The following GPC5 variants were observed in gnomAD, a reference collection of about 807,000 sequenced individuals.
GPC5 encodes the protein glypican 5, also known as glypican-5.
GPC5 carries 47 observed loss-of-function variants against 53.9 expected under a neutral mutation model. That is an observed-to-expected ratio of 0.87 (90% confidence interval 0.69 to 1.11). The LOEUF (loss-of-function observed/expected upper bound fraction) is 1.11. Ranked by LOEUF, GPC5 falls within the 50% of genes most tolerant of loss-of-function variation. GPC5 has a pLI of 0.00. For missense variants in GPC5, 748 were observed against 713.1 expected (o/e 1.05, Z -0.56); for synonymous variants, 286 against 263.3 (o/e 1.09, Z -0.84).
At chr13:91,927,783 A>G (rs1165507632) in intron 6 of GPC5, among the ~76,000 whole-genome samples, 1 of 152,184 alleles carries the variant, frequency 6.6e-6, no homozygotes, top group Non-Finnish European at 1.5e-5. Flanking sequence ...CATGGTATAG[A>G]TAGGCATTGC....
intron 5 of GPC5, among the ~76,000 whole-genome samples, chr13:91,897,902 A>G (rs1021619025): frequency 3.3e-5 from 5 of 152,222 alleles, no homozygotes; most frequent in African/African-American, 9.6e-5. Context: ...ATTTACCTCA[A>G]CACTTTAACT....
chr13:91,792,715 G>A (rs938448694), intron 5 of GPC5, among the ~76,000 whole-genome samples: 1 of 152,142 alleles, frequency 6.6e-6, no homozygotes, highest in African/African-American at 2.4e-5. Flanking sequence ...ACAGTTCATA[G>A]TAAAACCAGT....
At chr13:91,674,280 T>C (rs1023695675) in intron 2 of GPC5, among the ~76,000 whole-genome samples, 7 of 151,962 alleles carry the variant, frequency 4.6e-5, no homozygotes, top group African/African-American at 1.7e-4. Flanking sequence ...TAGACTATGG[T>C]AGATTGCCTT....
chr13:92,859,501 G>T (rs1416772481), intron 7 of GPC5, among the ~76,000 whole-genome samples: 4 of 151,638 alleles, frequency 2.6e-5, no homozygotes, highest in African/African-American at 9.7e-5. Context: ...ACCTAAATAA[G>T]ATATAAAATT....
At chr13:91,769,597 A>G (rs1232530836) in intron 5 of GPC5, among the ~76,000 whole-genome samples, 1 of 152,184 alleles carries the variant, frequency 6.6e-6, no homozygotes, top group Admixed American at 6.5e-5. Flanking sequence ...TGTCTAAGGA[A>G]CAGAAGGGAA....
At position 92,867,019 on chromosome 13, in the gene GPC5, C is replaced by G. The variant is rs1879357310; in HGVS notation, c.*580C>G. Reference sequence around the variant, plus strand: ...ATTTCATATAATTTCACTGAAGAACCTTGATAATTTTGACCCACTGTAACT... The same window carrying G: ...ATTTCATATAATTTCACTGAAGAACGTTGATAATTTTGACCCACTGTAACT... On this transcript the variant is annotated 3_prime_UTR_variant, in exon 8 of 8. Coordinates refer to ENST00000377067, the MANE Select transcript of GPC5 (RefSeq NM_004466.6). 6.6e-6 allele frequency: 1 copy of G among 152,056 alleles called. No individual in the cohort carries two copies. Among genetic ancestry groups the G allele is most frequent in the African/African-American group, 2.4e-5 (1 of 41,426 alleles). The allele number at this position is 152,056 out of a possible 1,614,324, so 9.4% of individuals were successfully genotyped here. A position where few individuals can be genotyped will look rare whatever the true frequency, so the allele number is the denominator to read the frequency against.
chr13:92,512,210 ATTT>A (rs552592417), intron 7 of GPC5, among the ~76,000 whole-genome samples: 2 of 149,008 alleles, frequency 1.3e-5, no homozygotes. Context: ...GATCCTAGTA[ATTT>A]TTTTTTATTT....
At chr13:92,293,103 T>C (rs2043009004) in intron 7 of GPC5, among the ~76,000 whole-genome samples, 1 of 152,190 alleles carries the variant, frequency 6.6e-6, no homozygotes, top group East Asian at 1.9e-4. Context: ...GTAATGGTGA[T>C]GCCTCCAGAT....
chr13:92,732,519 A>AT (rs1319284489), intron 7 of GPC5, among the ~76,000 whole-genome samples: 2 of 149,656 alleles, frequency 1.3e-5, no homozygotes, highest in African/African-American at 2.4e-5. Context: ...TGATTTAGTG[A>AT]TTTTCTTCTT....
intron 7 of GPC5, among the ~76,000 whole-genome samples, chr13:92,397,796 G>T (rs1445884333): frequency 6.6e-6 from 1 of 152,098 alleles, no homozygotes; most frequent in South Asian, 2.1e-4. Context: ...TTGTAATGAA[G>T]CCCTAAGAAT....
At chr13:92,139,396 A>G (rs2041811034) in intron 6 of GPC5, among the ~76,000 whole-genome samples, 1 of 152,134 alleles carries the variant, frequency 6.6e-6, no homozygotes. Context: ...GGCTGGGCGC[A>G]GTGGCTCACG....
chr13:92,609,783 G>A (rs1566318082), intron 7 of GPC5, among the ~76,000 whole-genome samples: 4 of 152,094 alleles, frequency 2.6e-5, no homozygotes, highest in Non-Finnish European at 5.9e-5. Flanking sequence ...TGTAATCCCA[G>A]CACTTTTGGG....
At chr13:92,685,350 C>T (rs1887231058) in intron 7 of GPC5, among the ~76,000 whole-genome samples, 1 of 151,948 alleles carries the variant, frequency 6.6e-6, no homozygotes, top group African/African-American at 2.4e-5. Flanking sequence ...CCTCCTCAGC[C>T]TCCCAAAGTA....
chr13:92,353,944 T>A (rs1346680834), intron 7 of GPC5, among the ~76,000 whole-genome samples: 1 of 152,236 alleles, frequency 6.6e-6, no homozygotes, highest in Admixed American at 6.5e-5. Flanking sequence ...TTAGCTGTTT[T>A]GAATTGAAAT....
chr13:91,662,951 G>A (rs2035020218), intron 2 of GPC5, among the ~76,000 whole-genome samples: 1 of 152,198 alleles, frequency 6.6e-6, no homozygotes, highest in East Asian at 1.9e-4. Flanking sequence ...GGATAAATCA[G>A]AGCTGTGAGA....
At chr13:92,191,351 G>T (rs1000326376) in intron 7 of GPC5, among the ~76,000 whole-genome samples, 1 of 151,994 alleles carries the variant, frequency 6.6e-6, no homozygotes, top group Non-Finnish European at 1.5e-5. Flanking sequence ...TATAAAAATG[G>T]CCAAAATTCA....
chr13:91,518,425 G>A (rs186204975), intron 2 of GPC5, among the ~76,000 whole-genome samples: 90 of 152,038 alleles, frequency 5.9e-4, no homozygotes, highest in Middle Eastern at 3.4e-3. Context: ...ATGACAATTC[G>A]TATTTAAATA....
At chr13:92,393,439 C>T (rs1875116122) in intron 7 of GPC5, among the ~76,000 whole-genome samples, 1 of 152,144 alleles carries the variant, frequency 6.6e-6, no homozygotes, top group African/African-American at 2.4e-5. Flanking sequence ...CACCTGAGGA[C>T]AGGAGTTCAA....
chr13:92,142,566 C>T (rs2041839379), intron 6 of GPC5, among the ~76,000 whole-genome samples: 1 of 152,168 alleles, frequency 6.6e-6, no homozygotes, highest in Non-Finnish European at 1.5e-5. Context: ...ACAATAATTA[C>T]AAATAAATGA....
Sources: gnomAD v4.1 joint callset for allele counts (sites outside exome capture counted in the v4.1 genomes callset) on GRCh38, gnomAD v4.1.1 for gene constraint, MANE v1.5 for transcripts, NCBI Gene and HGNC (gene_info 2026-07-23, HGNC 2026-07-21) for gene names.